Variants in PRDM16 observed in about 807,000 individuals in gnomAD.
The protein encoded by PRDM16 is PR/SET domain 16.
Under a neutral mutation model 110.6 loss-of-function variants are expected in PRDM16, and 23 were observed. That is an observed-to-expected ratio of 0.21 (90% confidence interval 0.15 to 0.29). PRDM16 has a LOEUF of 0.29. PRDM16 is among the 10% of genes least tolerant of loss of function. The pLI, the probability that PRDM16 is intolerant of heterozygous loss-of-function variation, is 1.00. For missense variants in PRDM16, 1,615 were observed against 1,794.3 expected, an observed-to-expected ratio of 0.90 and a Z score of 1.81; for synonymous variants, 799 against 781.8, an observed-to-expected ratio of 1.02 and a Z score of -0.37.
chr1:3,297,986 C>T (rs1013373119), intron 3 of PRDM16, among the ~76,000 whole-genome samples: 2 of 152,208 alleles, frequency 1.3e-5, no homozygotes, highest in Non-Finnish European at 2.9e-5. Flanking sequence ...GACTGCATGG[C>T]AAGCTCCGCA....
Position 3,190,119 on chromosome 1 carries a change from G to A in PRDM16, c.387+3645G>A, listed in dbSNP as rs1417425880. ...GCATGACTCCCTGGGGATGAGAGAT[G>A]GGGCGGGCAGCACGTGAGGCACCCA... On this transcript the variant is annotated intron_variant, in intron 2 of 16. Transcript: ENST00000270722. The surrounding 1 kb of genome is among the most constrained non-coding windows in gnomAD (Gnocchi z 5.0). Among the ~76,000 whole-genome samples the A allele has an allele frequency of 6.6e-6, 1 of 152,140 alleles. No individual in the cohort carries two copies. Among genetic ancestry groups the A allele is most frequent in the Admixed American group, 6.5e-5 (1 of 15,272 alleles).
At chr1:3,351,529 T>TCCCC (rs764834867) in intron 3 of PRDM16, among the ~76,000 whole-genome samples, 7 of 8,216 alleles carry the variant, frequency 8.5e-4, no homozygotes, top group Non-Finnish European at 1.6e-3. Context: ...AACCCGTCTC[T>TCCCC]GTCCCCCTCC....
rs530032180 is a variant in PRDM16, at chr1:3,247,027, T to C, written c.438+2890T>C. On this transcript the variant is annotated intron_variant, in intron 3 of 16. Coordinates refer to ENST00000270722, the MANE Select transcript of PRDM16 (RefSeq NM_022114.4). ...AACTGTGCGCACCGCGGTGCTGTTTTCAGGATGAATTCAGTACAGTCCTTC... is the reference window on the plus strand; with the variant it reads ...AACTGTGCGCACCGCGGTGCTGTTTCCAGGATGAATTCAGTACAGTCCTTC... Among the ~76,000 whole-genome samples the C allele has an allele frequency of 4.6e-5, 7 of 152,250 alleles. No homozygotes were observed. The South Asian group carries it at 1.5e-3, about 32-fold the overall frequency.
At chr1:3,088,126 G>A (rs959097631) in intron 1 of PRDM16, among the ~76,000 whole-genome samples, 22 of 151,998 alleles carry the variant, frequency 1.4e-4, no homozygotes, top group Admixed American at 7.9e-4. Context: ...CTGCTCCTTC[G>A]CCTGACCTCC....
chr1:3,296,891 G>A lies in PRDM16; in HGVS notation c.438+52754G>A, dbSNP rs980471912. Among the ~76,000 whole-genome samples the A allele has an allele frequency of 1.1e-4, 17 of 152,170 alleles. No homozygotes were observed. In the South Asian group the frequency reaches 1.5e-3, roughly 13 times the overall value. On this transcript the variant is annotated intron_variant, in intron 3 of 16. Transcript: ENST00000270722. ...ACGCAGTTCACACACCAAACCCACC[G>A]AGCAGCACGGCTTAGCCTCACCCAC...
intron 1 of PRDM16, among the ~76,000 whole-genome samples, chr1:3,130,883 T>C (rs10797378): frequency 0.16 from 24,986 of 151,682 alleles, 2,680 homozygotes; most frequent in African/African-American, 0.3. Context: ...CCTTGCTCTA[T>C]GCTCAGGGCT....
At position 3,201,890 on chromosome 1, in the gene PRDM16, A is replaced by G. The variant is rs574014298; in HGVS notation, c.387+15416A>G. On this transcript the variant is annotated intron_variant, in intron 2 of 16. Transcript: ENST00000270722. The surrounding 1 kb of genome is among the most constrained non-coding windows in gnomAD (Gnocchi z 4.1). The stretch of plus-strand genomic sequence containing the variant: ...CCACATGAGCTTAGGCGCTGACTCC[A>G]CCTCTCGGAGGGACCTCCAAGTGGA... 6.6e-6 allele frequency among the ~76,000 whole-genome samples: 1 copy of G among 150,866 alleles called. No homozygotes were observed. The highest frequency in any genetic ancestry group is 2.0e-4 in the East Asian group (1 of 5,086).
rs1309806243 is a variant in PRDM16 at position 3,201,936 on chromosome 1, G to A, written c.387+15462G>A. Among the ~76,000 whole-genome samples, 1 of 152,216 alleles carries A rather than the reference G, an allele frequency of 6.6e-6. No homozygotes were observed. Among genetic ancestry groups the A allele is most frequent in the Non-Finnish European group, 1.5e-5 (1 of 68,040 alleles). On this transcript the variant is annotated intron_variant, in intron 2 of 16. Transcript: ENST00000270722. The surrounding 1 kb of genome is among the most constrained non-coding windows in gnomAD (Gnocchi z 4.1). ...GTGGAGCCTTCGAGCAAGGGGTCCA[G>A]CTCCTGTAGGTTTCTTGCTTCAGTG...
chr1:3,259,723 G>T (rs934062213), intron 3 of PRDM16, among the ~76,000 whole-genome samples: 10 of 152,180 alleles, frequency 6.6e-5, no homozygotes, highest in African/African-American at 2.2e-4. Flanking sequence ...GTTGGAAAGA[G>T]TGTGGTCCCC....
At chr1:3,240,019 A>G (rs1300584843) in intron 2 of PRDM16, among the ~76,000 whole-genome samples, 1 of 139,802 alleles carries the variant, frequency 7.2e-6, no homozygotes, top group Non-Finnish European at 1.5e-5. Flanking sequence ...AGATGGAGAG[A>G]GAGAGAAGAG....
chr1:3,180,572 G>T (rs1006717601), intron 1 of PRDM16, among the ~76,000 whole-genome samples: 2 of 152,178 alleles, frequency 1.3e-5, no homozygotes, highest in Admixed American at 6.5e-5. Flanking sequence ...AAAGACCCAG[G>T]CCAGCATCAG....
chr1:3,311,912 C>G (rs1040064046), intron 3 of PRDM16, among the ~76,000 whole-genome samples: 2 of 152,182 alleles, frequency 1.3e-5, no homozygotes, highest in African/African-American at 4.8e-5. Context: ...CACAGTCGCT[C>G]TACAGCTTTG....
At chr1:3,429,506 A>G (rs1176373228) in intron 14 of PRDM16, among the ~76,000 whole-genome samples, 1 of 152,200 alleles carries the variant, frequency 6.6e-6, no homozygotes, top group Non-Finnish European at 1.5e-5. Context: ...ACCCTGCGCC[A>G]TCTCATCCCG....
intron 2 of PRDM16, among the ~76,000 whole-genome samples, chr1:3,238,277 G>A (rs1282468361): frequency 2.6e-5 from 4 of 152,238 alleles, no homozygotes; most frequent in Non-Finnish European, 2.9e-5. Context: ...AAACAGCGGC[G>A]TAGAGACCTC....
chr1:3,222,171 C>T (rs1188713827), intron 2 of PRDM16, among the ~76,000 whole-genome samples: 4 of 152,196 alleles, frequency 2.6e-5, no homozygotes, highest in Non-Finnish European at 4.4e-5. Context: ...CAGGTCCCAC[C>T]CCCTGACAAA....
At chr1:3,239,942 G>GGA (rs139391162) in intron 2 of PRDM16, among the ~76,000 whole-genome samples, 2 of 150,484 alleles carry the variant, frequency 1.3e-5, no homozygotes, top group African/African-American at 2.4e-5. Context: ...GGGTGGGCGG[G>GGA]GAGAGAGAGA....
At chr1:3,287,496 G>A (rs1207519547) in intron 3 of PRDM16, among the ~76,000 whole-genome samples, 11 of 74,556 alleles carry the variant, frequency 1.5e-4, no homozygotes, top group African/African-American at 2.6e-4. Flanking sequence ...ATTTACCGGG[G>A]CTGGAGCCGC....
chr1:3,402,022 G>A (rs1643480980), intron 5 of PRDM16, among the ~76,000 whole-genome samples: 1 of 152,254 alleles, frequency 6.6e-6, no homozygotes, highest in Admixed American at 6.5e-5. Context: ...CACAGACATG[G>A]ATGCAGATAT....
intron 3 of PRDM16, among the ~76,000 whole-genome samples, chr1:3,368,583 C>T (rs1443340728): frequency 6.6e-6 from 1 of 152,248 alleles, no homozygotes; most frequent in African/African-American, 2.4e-5. Flanking sequence ...GCACAAGGCC[C>T]TCCTCTTGAG....
Sources: gnomAD v4.1 joint callset for allele counts (sites outside exome capture counted in the v4.1 genomes callset) on GRCh38, gnomAD v4.1.1 for gene constraint, Gnocchi (gnomAD v3.1) non-coding constraint, MANE v1.5 for transcripts, NCBI Gene and HGNC (gene_info 2026-07-23, HGNC 2026-07-21) for gene names.